The following SLC20A2 variants were observed in gnomAD, a reference collection of about 807,000 sequenced individuals.
The protein encoded by SLC20A2 is solute carrier family 20 member 2, also known as sodium-dependent phosphate transporter 2.
In SLC20A2, 30 loss-of-function variants were observed where a neutral mutation model predicts 61.0. The ratio of observed to expected loss-of-function variants is 0.49; its 90% CI spans 0.37 to 0.67. SLC20A2 has a LOEUF of 0.67. SLC20A2 is among the 30% of genes least tolerant of loss of function. The probability of loss-of-function intolerance (pLI) is 0.00; values close to 1 mark genes in which losing one functional copy is unlikely to be tolerated. For missense variants in SLC20A2, 626 were observed against 866.4 expected (o/e 0.72, Z 3.48); for synonymous variants, 351 against 353.3 (o/e 0.99, Z 0.07).
intron 1 of SLC20A2, among the ~76,000 whole-genome samples, chr8:42,511,346 T>C (rs1046240523): frequency 6.6e-6 from 1 of 152,204 alleles, no homozygotes; most frequent in Non-Finnish European, 1.5e-5. Flanking sequence ...TGGTCACTTT[T>C]GGCCAGGCGC....
chr8:42,480,715 G>A (rs532561626), intron 1 of SLC20A2, among the ~76,000 whole-genome samples: 2 of 152,008 alleles, frequency 1.3e-5, no homozygotes, highest in African/African-American at 2.4e-5. Context: ...GCTGGAGTGC[G>A]GTGGCATGAT....
chr8:42,533,441 C>T (rs1812467104), intron 1 of SLC20A2, among the ~76,000 whole-genome samples: 1 of 152,006 alleles, frequency 6.6e-6, no homozygotes. Context: ...CATGGTGAAA[C>T]CCCGTCTCTA....
chr8:42,459,972 GC>G lies in SLC20A2; in HGVS notation c.536del (p.Gly179AlafsTer13), dbSNP rs1447359987. The part of the protein sequence containing the change: ...ILKKEDPVPN[G>X]LRALPVFYAA... ...CATAGAATACTGGGAGTGCCCGGAG[GC>G]CATTGGGAACAGGGTCTTCCTGTAG... On this transcript the variant is annotated frameshift_variant, in exon 5 of 11. Transcript: ENST00000520262. LOFTEE classifies it high-confidence loss of function. The G allele has an allele frequency of 1.2e-6, 2 of 1,611,608 alleles. No homozygotes were observed. Among genetic ancestry groups the G allele is most frequent in the Non-Finnish European group, 1.7e-6 (2 of 1,178,258 alleles).
chr8:42,485,954 A>T (rs980705264), intron 1 of SLC20A2, among the ~76,000 whole-genome samples: 1 of 152,076 alleles, frequency 6.6e-6, no homozygotes, highest in Non-Finnish European at 1.5e-5. Flanking sequence ...CAAAAAAAAA[A>T]AAAAAAGAAA....
intron 1 of SLC20A2, 125 bp downstream of exon 1, chr8:42,500,906 C>A (rs1810274429): frequency 6.6e-6 from 1 of 152,180 alleles, no homozygotes; most frequent in African/African-American, 2.4e-5. Flanking sequence ...TCTTAGCTTT[C>A]TCTAACGTAC....
At chr8:42,439,932 A>T (rs1004587925) in intron 6 of SLC20A2, among the ~76,000 whole-genome samples, 13 of 152,064 alleles carry the variant, frequency 8.5e-5, no homozygotes, top group African/African-American at 3.1e-4. Flanking sequence ...TAAAAATATA[A>T]AAATTAGCCG....
chr8:42,474,808 A>C (rs1315934126), intron 1 of SLC20A2, among the ~76,000 whole-genome samples: 2 of 151,998 alleles, frequency 1.3e-5, no homozygotes, highest in African/African-American at 4.8e-5. Flanking sequence ...GACAAGAACT[A>C]TGCAGGCAGG....
intron 1 of SLC20A2, among the ~76,000 whole-genome samples, chr8:42,511,541 C>A (rs1258240005): frequency 1.3e-5 from 2 of 151,766 alleles, no homozygotes; most frequent in Non-Finnish European, 2.9e-5. Flanking sequence ...GAAGGAGAAT[C>A]GCTTGAACCT....
At chr8:42,456,515 G>A (rs745961277) in intron 5 of SLC20A2, among the ~76,000 whole-genome samples, 4 of 152,032 alleles carry the variant, frequency 2.6e-5, no homozygotes, top group Non-Finnish European at 5.9e-5. Context: ...GGCGGATCAC[G>A]AGGTCAGGAG....
chr8:42,514,350 A>T (rs1340485511), intron 1 of SLC20A2, among the ~76,000 whole-genome samples: 1 of 152,206 alleles, frequency 6.6e-6, no homozygotes, highest in Non-Finnish European at 1.5e-5. Flanking sequence ...TTAGAAACAG[A>T]GACTAGGGGA....
Position 42,520,780 on chromosome 8 carries a change from T to C in SLC20A2, c.-265+21041A>G, listed in dbSNP as rs1345319777. ...AAAAAAACCCCATTACTTGAAATAT[T>C]TTCCCCATCCAAATGTACTGTCTGA... On this transcript the variant is annotated intron_variant, in intron 1 of 10. Coordinates refer to the SLC20A2 transcript ENST00000342228. Among the ~76,000 whole-genome samples, 6 of 119,588 alleles carry C rather than the reference T, an allele frequency of 5.0e-5. 2 individuals carry two copies. The South Asian group carries it at 9.1e-4, about 18-fold the overall frequency. 78.5% of individuals were successfully genotyped at this position (119,588 alleles called of 152,430 possible). A position where few individuals can be genotyped will look rare whatever the true frequency, so the allele number is the denominator to read the frequency against.
intron 10 of SLC20A2, chr8:42,419,615 C>T (rs978736276): frequency 8.2e-5 from 39 of 473,080 alleles, no homozygotes; most frequent in Admixed American, 1.3e-4. Flanking sequence ...TGCAATTTCT[C>T]ACATGGAGTT....
chr8:42,465,656 A>G lies in SLC20A2; in HGVS notation c.430+121T>C. 1.0e-5 allele frequency: 10 copies of G among 957,854 alleles called. 1 individual carries two copies. The highest frequency in any genetic ancestry group is 1.5e-5 in the Non-Finnish European group (10 of 670,750). The allele number at this position is 957,854 out of a possible 1,614,324, so 59.3% of individuals were successfully genotyped here. ...CAGTGAGCCGAGATTGCACCACTGC[A>G]CTCCAGCCTGGCAACAGAGTGACAC... is the stretch of plus-strand genomic sequence containing the variant. On this transcript the variant is annotated intron_variant, in intron 3 of 10. Transcript: ENST00000520262.
chr8:42,456,320 C>A (rs1806194382), intron 5 of SLC20A2, among the ~76,000 whole-genome samples: 1 of 152,224 alleles, frequency 6.6e-6, no homozygotes. Context: ...CTTGGCACCA[C>A]AGAAGGCGTC....
chr8:42,492,721 C>A (rs58336560), intron 1 of SLC20A2, among the ~76,000 whole-genome samples: 1,891 of 151,552 alleles, frequency 0.012, 41 homozygotes, highest in African/African-American at 0.042. Context: ...CGGAGTTTCG[C>A]TCTGTCACCC....
chr8:42,437,030 G>A lies in SLC20A2; in HGVS notation c.1482C>T (p.Thr494=), dbSNP rs114554453. 2.8e-5 allele frequency: 45 copies of A among 1,612,664 alleles called. No individual in the cohort carries two copies. Among genetic ancestry groups the A allele is most frequent in the Admixed American group, 1.2e-4 (7 of 59,880 alleles). ...CGTGAGCAAAGGACCCGAAACAGGC[G>A]GTGAGGACCTGCAGGAAATGGAACA... ...HLLFHFLQVL[T]ACFGSFAHGG... Residue 494 remains threonine, a synonymous_variant, in exon 8 of 11, where the codon ACC becomes ACT. Transcript: ENST00000520262. This position sits in a 1 kb window ranked among gnomAD's most constrained non-coding sequence, Gnocchi z 6.4.
chr8:42,448,337 T>A (rs1001799584), intron 5 of SLC20A2, among the ~76,000 whole-genome samples: 1 of 152,178 alleles, frequency 6.6e-6, no homozygotes, highest in African/African-American at 2.4e-5. Flanking sequence ...ATTTTAAAAA[T>A]GAGTGAACGC....
intron 1 of SLC20A2, among the ~76,000 whole-genome samples, chr8:42,533,719 G>T (rs1176060355): frequency 7.5e-6 from 1 of 132,708 alleles, no homozygotes; most frequent in African/African-American, 2.9e-5. Flanking sequence ...GAGTGCAGTG[G>T]CGTGATCTCA....
intron 2 of SLC20A2, 112 bp from the exon 3 acceptor site, chr8:42,466,029 T>C: frequency 2.0e-6 from 2 of 995,638 alleles, no homozygotes; most frequent in Non-Finnish European, 1.4e-6. Context: ...TAATTTTCTG[T>C]GAATTGTTTC....
Sources: allele counts gnomAD v4.1 joint callset (sites outside exome capture counted in the v4.1 genomes callset), GRCh38; gene constraint gnomAD v4.1.1; non-coding constraint Gnocchi (gnomAD v3.1); transcripts MANE v1.5; gene names NCBI Gene and HGNC (gene_info 2026-07-23, HGNC 2026-07-21).